The following MAPKAP1 variants were observed in gnomAD, a reference collection of about 807,000 sequenced individuals.
MAPKAP1 encodes the protein MAPK associated protein 1, also known as target of rapamycin complex 2 subunit MAPKAP1.
A neutral mutation model predicts 65.7 loss-of-function variants in MAPKAP1; 20 were observed. That is an observed-to-expected ratio of 0.30 (90% CI 0.21 to 0.44). The LOEUF is 0.44. Ranked by LOEUF, MAPKAP1 falls within the 20% of genes least tolerant of loss-of-function variation. The probability of loss-of-function intolerance (pLI) is 1.00; values close to 1 mark genes in which losing one functional copy is unlikely to be tolerated. For missense variants in MAPKAP1, 423 were observed against 648.0 expected (o/e 0.65, Z 3.77); for synonymous variants, 222 against 244.3 (o/e 0.91, Z 0.85).
intron 4 of MAPKAP1, among the ~76,000 whole-genome samples, chr9:125,608,980 T>C (rs1358201179): frequency 1.3e-5 from 2 of 152,182 alleles, no homozygotes; most frequent in African/African-American, 2.4e-5. Context: ...TTTCCAATAC[T>C]GCCCTACAGT....
intron 1 of MAPKAP1, among the ~76,000 whole-genome samples, chr9:125,701,858 T>C (rs947686478): frequency 3.3e-5 from 5 of 152,192 alleles, no homozygotes; most frequent in African/African-American, 1.2e-4. Context: ...AATAAAAGCA[T>C]TGACCTTGCC....
At chr9:125,652,148 T>C in intron 4 of MAPKAP1, 1 of 1,317,896 alleles carries the variant, frequency 7.6e-7, no homozygotes, top group Non-Finnish European at 1.0e-6. Context: ...TCTCGGTGGC[T>C]TCATGCTTTT....
chr9:125,588,491 T>G (rs1409834771), intron 4 of MAPKAP1, among the ~76,000 whole-genome samples: 2 of 152,154 alleles, frequency 1.3e-5, no homozygotes, highest in East Asian at 1.9e-4. Context: ...GTTAATATAT[T>G]AAATACCACA....
At chr9:125,529,510 AAAAAAG>A (rs1829875146) in intron 7 of MAPKAP1, among the ~76,000 whole-genome samples, 1 of 152,082 alleles carries the variant, frequency 6.6e-6, no homozygotes, top group South Asian at 2.1e-4. Context: ...TGCCAAAAAA[AAAAAAG>A]AAAAGAAAAA....
At position 125,459,031 on chromosome 9, in the gene MAPKAP1, G is replaced by T. The variant is rs1389729135; in HGVS notation, c.1345+8941C>A. ...TCACTTCTCAGACGGGGCGGCTGCC[G>T]GGCGGAGGGGCTCCTCACTTCTCAG... On this transcript the variant is annotated intron_variant, in intron 10 of 11. Transcript: ENST00000265960. 2.0e-3 allele frequency among the ~76,000 whole-genome samples: 241 copies of T among 118,290 alleles called. 2 individuals carry two copies. Among genetic ancestry groups the T allele is most frequent in the African/African-American group, 8.0e-3 (234 of 29,114 alleles). 77.6% of individuals were successfully genotyped at this position (118,290 alleles called of 152,430 possible).
At chr9:125,510,484 A>T (rs1269577349) in intron 7 of MAPKAP1, among the ~76,000 whole-genome samples, 5 of 152,210 alleles carry the variant, frequency 3.3e-5, no homozygotes, top group Non-Finnish European at 7.3e-5. Flanking sequence ...CGAAGACATG[A>T]CCAGACATGA....
intron 7 of MAPKAP1, chr9:125,521,808 A>G (rs747894352): frequency 1.3e-6 from 2 of 1,573,212 alleles, no homozygotes; most frequent in East Asian, 4.5e-5. Flanking sequence ...GACTTCATTT[A>G]TCTTCAACCT....
chr9:125,573,232 T>C (rs754411341), intron 5 of MAPKAP1, among the ~76,000 whole-genome samples: 7 of 151,964 alleles, frequency 4.6e-5, no homozygotes, highest in African/African-American at 7.3e-5. Context: ...CAGGATGAGA[T>C]AGCAGGTCAG....
intron 4 of MAPKAP1, among the ~76,000 whole-genome samples, chr9:125,599,604 CTTTT>C (rs72065538): frequency 3.2e-5 from 4 of 126,422 alleles, no homozygotes; most frequent in Non-Finnish European, 3.3e-5. Flanking sequence ...ATGTAAGTCC[CTTTT>C]TTTTTTTTTT....
intron 7 of MAPKAP1, among the ~76,000 whole-genome samples, chr9:125,511,016 C>T (rs1007168196): frequency 6.6e-6 from 1 of 152,172 alleles, no homozygotes; most frequent in Non-Finnish European, 1.5e-5. Context: ...AACTTAACCT[C>T]TCAGTTTTCT....
intron 8 of MAPKAP1, among the ~76,000 whole-genome samples, chr9:125,494,615 C>T (rs1349633064): frequency 1.3e-5 from 2 of 152,192 alleles, no homozygotes; most frequent in African/African-American, 4.8e-5. Flanking sequence ...GGCTCTGCAT[C>T]TTAGACCCTT....
At chr9:125,473,040 G>C (rs1379720773) in intron 9 of MAPKAP1, among the ~76,000 whole-genome samples, 1 of 151,562 alleles carries the variant, frequency 6.6e-6, no homozygotes, top group Non-Finnish European at 1.5e-5. Context: ...GTGATCCTCA[G>C]TGAAAGAATG....
At chr9:125,596,221 T>C in intron 4 of MAPKAP1, 1 of 766,182 alleles carries the variant, frequency 1.3e-6, no homozygotes, top group South Asian at 1.3e-5. Flanking sequence ...AAGCAAGAGA[T>C]GGCTAATACT....
intron 8 of MAPKAP1, among the ~76,000 whole-genome samples, chr9:125,495,638 C>A (rs4837017): frequency 6.6e-6 from 1 of 152,030 alleles, no homozygotes; most frequent in Admixed American, 6.6e-5. Flanking sequence ...AAAACGGAAA[C>A]GGGGGAACTT....
intron 5 of MAPKAP1, among the ~76,000 whole-genome samples, chr9:125,573,413 A>C (rs1050995905): frequency 1.3e-5 from 2 of 152,334 alleles, no homozygotes; most frequent in Non-Finnish European, 2.9e-5. Context: ...ATCAGGAAGT[A>C]ACCCTATATG....
At chr9:125,489,609 G>A (rs1299290938) in intron 8 of MAPKAP1, among the ~76,000 whole-genome samples, 40 of 152,044 alleles carry the variant, frequency 2.6e-4, no homozygotes, top group Non-Finnish European at 8.8e-5. Context: ...AAACCCAGGA[G>A]GAGAAGCAGC....
intron 9 of MAPKAP1, among the ~76,000 whole-genome samples, chr9:125,482,546 T>C (rs1264300688): frequency 6.6e-6 from 1 of 152,208 alleles, no homozygotes; most frequent in African/African-American, 2.4e-5. Flanking sequence ...TTCACCACTT[T>C]AGATATTTAA....
At chr9:125,563,034 A>G (rs998159377) in intron 5 of MAPKAP1, among the ~76,000 whole-genome samples, 1 of 152,228 alleles carries the variant, frequency 6.6e-6, no homozygotes, top group Non-Finnish European at 1.5e-5. Context: ...AAAAAGTTAG[A>G]TTTAGTTCAA....
intron 2 of MAPKAP1, among the ~76,000 whole-genome samples, chr9:125,671,727 G>GA (rs921236241): frequency 1.3e-5 from 2 of 152,082 alleles, no homozygotes; most frequent in African/African-American, 4.8e-5. Context: ...TTTCAAGCCA[G>GA]AAAAATCAAA....
Sources: allele counts gnomAD v4.1 joint callset (sites outside exome capture counted in the v4.1 genomes callset), GRCh38; gene constraint gnomAD v4.1.1; transcripts MANE v1.5; gene names NCBI Gene and HGNC (gene_info 2026-07-23, HGNC 2026-07-21).